Variants in SPOCD1 observed in about 807,000 individuals in gnomAD.
The protein encoded by SPOCD1 is SPOC domain-containing protein 1.
Under a neutral mutation model 92.2 loss-of-function variants are expected in SPOCD1, and 64 were observed. The ratio of observed to expected loss-of-function variants is 0.69; its 90% CI spans 0.57 to 0.86. SPOCD1 has a LOEUF of 0.86. Among genes scored for constraint, SPOCD1 ranks in the 40% least tolerant of loss-of-function variants. The pLI is 0.00. For missense variants in SPOCD1, 1,360 were observed against 1,543.1 expected, an observed-to-expected ratio of 0.88 and a Z score of 1.99; for synonymous variants, 578 against 619.3, an observed-to-expected ratio of 0.93 and a Z score of 0.99.
chr1:31,795,855 A>T (rs35806445), intron 10 of SPOCD1: 29,848 of 153,746 alleles, frequency 0.19, 3,507 homozygotes, highest in African/African-American at 0.33. Flanking sequence ...GATGAGACCC[A>T]GGTGAACATC....
At chr1:31,803,761 AGAG>A (rs1466839997) in intron 2 of SPOCD1, among the ~76,000 whole-genome samples, 2 of 150,842 alleles carry the variant, frequency 1.3e-5, no homozygotes, top group African/African-American at 2.4e-5. Flanking sequence ...AAAGGAAAGG[AGAG>A]GAGAAGAAAA....
chr1:31,793,628 G>A (rs1457093360), intron 12 of SPOCD1, 119 bp downstream of exon 12: 7 of 1,563,754 alleles, frequency 4.5e-6, no homozygotes, highest in Non-Finnish European at 6.1e-6. Flanking sequence ...AGGTTCCCAA[G>A]GGAGGGAAGA....
Position 31,792,308 on chromosome 1 carries a change from C to A in SPOCD1, c.2869G>T (p.Gly957Trp). The change falls in exon 15 of 16, where the codon GGG (glycine) becomes TGG (tryptophan). Residue 957 changes from glycine (G) to tryptophan (W), a missense_variant. Coordinates refer to ENST00000360482, the MANE Select transcript of SPOCD1 (RefSeq NM_144569.7). ...CCCATGTGCTCCACAGAGGCCAGCC[C>A]GTGGCGCTGCCTATCATTGAGGTAT... is the stretch of plus-strand genomic sequence containing the variant. The part of the protein sequence containing the change: ...YSYLNDRQRH[G>W]LASVEHMGMV... 6.2e-7 allele frequency: 1 copy of A among 1,613,916 alleles called. No individual in the cohort carries two copies. Among genetic ancestry groups the A allele is most frequent in the East Asian group, 2.2e-5 (1 of 44,872 alleles).
chr1:31,791,092 C>T lies in SPOCD1; in HGVS notation c.3162G>A (p.Arg1054=), dbSNP rs1296049548. 1.2e-6 allele frequency: 2 copies of T among 1,612,948 alleles called. No individual in the cohort carries two copies. Among genetic ancestry groups the T allele is most frequent in the East Asian group, 2.2e-5 (1 of 44,888 alleles). Residue 1054 remains arginine, a synonymous_variant, in exon 16 of 16, where the codon AGG becomes AGA. Coordinates refer to ENST00000360482, the MANE Select transcript of SPOCD1 (RefSeq NM_144569.7). ...GGGTGCCCTTCAGGGGCACATTCGGCCTCCTGTCATCTGGCTGATAGTATC... is the reference window on the plus strand; with the variant it reads ...GGGTGCCCTTCAGGGGCACATTCGGTCTCCTGTCATCTGGCTGATAGTATC... ...EKRYYQPDDR[R]PNVPLKGTPP...
At position 31,791,048 on chromosome 1, in the gene SPOCD1, C is replaced by T; in HGVS notation, c.3206G>A (p.Trp1069Ter). 1 of 1,612,790 alleles carries T rather than the reference C, an allele frequency of 6.2e-7. No individual in the cohort carries two copies. The change falls in exon 16 of 16, where the codon TGG becomes TAG. Residue 1069 changes from tryptophan (W) to a stop codon, truncating the protein, a stop_gained. Coordinates refer to ENST00000360482, the MANE Select transcript of SPOCD1 (RefSeq NM_144569.7). LOFTEE classifies it low-confidence loss of function (END_TRUNC). ...LKGTPPPGGA[W>*]QQSQGRGSIA... Reference sequence around the variant, plus strand: ...ACTGCCCCTGCCCTGGCTCTGCTGCCAGGCACCTCCTGGGGGAGGGGTGCC... The same window carrying T: ...ACTGCCCCTGCCCTGGCTCTGCTGCTAGGCACCTCCTGGGGGAGGGGTGCC...
intron 2 of SPOCD1, among the ~76,000 whole-genome samples, chr1:31,813,493 G>C (rs1013962553): frequency 1.3e-5 from 2 of 152,202 alleles, no homozygotes; most frequent in African/African-American, 2.4e-5. Context: ...TTGATCTCTT[G>C]ACCTCGTGAT....
At chr1:31,802,240 T>C (rs1223795352) in intron 2 of SPOCD1, among the ~76,000 whole-genome samples, 2 of 152,206 alleles carry the variant, frequency 1.3e-5, no homozygotes, top group Non-Finnish European at 2.9e-5. Flanking sequence ...ATGTGGCTTA[T>C]AAAGGGTAAG....
At chr1:31,791,490 G>A (rs1647590462) in intron 15 of SPOCD1, among the ~76,000 whole-genome samples, 199 bp from the exon 16 acceptor site, 1 of 152,322 alleles carries the variant, frequency 6.6e-6, no homozygotes, top group Non-Finnish European at 1.5e-5. Flanking sequence ...TTGACCTGAA[G>A]ACTCTACAGA....
In SPOCD1 at chr1:31,799,440, C is replaced by A. The variant is rs1425742491; in HGVS notation, c.1829G>T (p.Gly610Val). The A allele has an allele frequency of 6.2e-7, 1 of 1,611,860 alleles. No individual in the cohort carries two copies. Among genetic ancestry groups the A allele is most frequent in the South Asian group, 1.1e-5 (1 of 90,446 alleles). Residue 610 changes from glycine (G) to valine (V), a missense_variant, in exon 7 of 16, where the codon GGC (glycine) becomes GTC (valine). By Grantham distance (109) the Gly-to-Val change is moderately radical. Transcript: ENST00000360482. ...CTCCTGCATGGAACGGACAACAGTG[C>A]CCCGCACCCCAATATACAGGGATGG... is the stretch of plus-strand genomic sequence containing the variant. ...EKPSLYIGVR[G>V]TVVRSMQEVL...
At chr1:31,795,371 C>T (rs569597550) in intron 10 of SPOCD1, 1 of 152,370 alleles carries the variant, frequency 6.6e-6, no homozygotes, top group African/African-American at 2.4e-5. Flanking sequence ...CCAGGTTCCT[C>T]ATCCCAGAAA....
Position 31,792,699 on chromosome 1 carries a change from G to A in SPOCD1, c.2754C>T (p.Ser918=), listed in dbSNP as rs1647689048. The change falls in exon 14 of 16, where the codon AGC becomes AGT. Residue 918 remains serine, a synonymous_variant. Transcript: ENST00000360482. ...PSNIVWDLLA[S]ICPAKAKDVC... ...GTACCTTGGCCTTGGCTGGGCAGAT[G>A]CTGGCCAGAAGGTCCCAGACAATGT... 9 of 1,605,438 alleles carry A rather than the reference G, an allele frequency of 5.6e-6. No homozygotes were observed. Among genetic ancestry groups the A allele is most frequent in the Non-Finnish European group, 6.8e-6 (8 of 1,176,414 alleles).
At position 31,798,587 on chromosome 1, in the gene SPOCD1, G is replaced by C. The variant is rs1245244459; in HGVS notation, c.1883C>G (p.Pro628Arg). 6.2e-7 allele frequency: 1 copy of C among 1,612,940 alleles called. No individual in the cohort carries two copies. The highest frequency in any genetic ancestry group is 8.5e-7 in the Non-Finnish European group (1 of 1,179,804). Residue 628 changes from proline (P) to arginine (R), a missense_variant, in exon 8 of 16, where the codon CCA (proline) becomes CGA (arginine). This residue lies in a region of SPOCD1 where 606 missense variants were observed against 601.5 expected (regional missense o/e 1.01). Transcript: ENST00000360482. The surrounding 1 kb of genome is among the most constrained non-coding windows in gnomAD (Gnocchi z 4.1). ...CACCTCCTCACTCAGCACTGGGTCT[G>C]GGAGCTCCCGAAGGCTGTGGAGGCC... ...EVLWTRLREL[P>R]DPVLSEEVVE...
At position 31,800,846 on chromosome 1, in the gene SPOCD1, A is replaced by G. The variant is rs1648417955; in HGVS notation, c.1426-229T>C. Among the ~76,000 whole-genome samples, 3 of 152,172 alleles carry G rather than the reference A, an allele frequency of 2.0e-5. No homozygotes were observed. The South Asian group carries it at 6.2e-4, about 32-fold the overall frequency. On this transcript the variant is annotated intron_variant, in intron 3 of 15. Coordinates refer to ENST00000360482, the MANE Select transcript of SPOCD1 (RefSeq NM_144569.7). ...CTACCTGGCTAGCCTCTGTCCCAGG[A>G]GAGGGGCCTGTCTCCATCCGCATCC...
At chr1:31,803,855 A>C (rs901785936) in intron 2 of SPOCD1, among the ~76,000 whole-genome samples, 4 of 151,652 alleles carry the variant, frequency 2.6e-5, no homozygotes, top group African/African-American at 9.7e-5. Context: ...AGAAGAAAGA[A>C]AGGTAGGAAG....
At position 31,814,069 on chromosome 1, in the gene SPOCD1, G is replaced by C; in HGVS notation, c.1265C>G (p.Thr422Ser). Residue 422 changes from threonine (T) to serine (S), a missense_variant, in exon 2 of 16, where the codon ACT (threonine) becomes AGT (serine). This residue lies in a region of SPOCD1 where 606 missense variants were observed against 601.5 expected (regional missense o/e 1.01). Transcript: ENST00000360482. This position sits in a 1 kb window ranked among gnomAD's most constrained non-coding sequence, Gnocchi z 4.2. ...CACTGGACCTTTCTTCAGGTTCTTAGTGCCCTTGGATCTTCTCTGCTCCAT... is the reference window on the plus strand; with the variant it reads ...CACTGGACCTTTCTTCAGGTTCTTACTGCCCTTGGATCTTCTCTGCTCCAT... Reference protein sequence around the residue: ...PFMEQRRSKGTKNLKKGPVPC... With the variant: ...PFMEQRRSKGSKNLKKGPVPC... 1 of 1,613,742 alleles carries C rather than the reference G, an allele frequency of 6.2e-7. No homozygotes were observed. Among genetic ancestry groups the C allele is most frequent in the Non-Finnish European group, 8.5e-7 (1 of 1,179,800 alleles).
chr1:31,800,244 C>T (rs1424944682), intron 4 of SPOCD1, 103 bp from the exon 5 acceptor site: 5 of 1,509,172 alleles, frequency 3.3e-6, no homozygotes, highest in Non-Finnish European at 4.4e-6. Context: ...TCCAGTCCAC[C>T]CTGAATTCAG....
chr1:31,800,016 C>A lies in SPOCD1; in HGVS notation c.1728G>T (p.Gln576His), dbSNP rs780317596. The A allele has an allele frequency of 6.2e-7, 1 of 1,611,930 alleles. No individual in the cohort carries two copies. Among genetic ancestry groups the A allele is most frequent in the East Asian group, 2.2e-5 (1 of 44,844 alleles). ...ACATGGCCGGGGCAGAACAACTTGC[C>A]TGGGAACATGCAGGGTCCGAGCTGG... ...GDPSSDPACS[Q>H]SGPMEAEEDS... Residue 576 changes from glutamine to histidine, a missense_variant and splice_region_variant, in exon 5 of 16, where the codon CAG (glutamine) becomes CAT (histidine). This residue lies in a region of SPOCD1 where 606 missense variants were observed against 601.5 expected (regional missense o/e 1.01). Transcript: ENST00000360482.
At chr1:31,799,366 T>A (rs1183186771) in intron 7 of SPOCD1, 35 bp downstream of exon 7, 20 of 1,573,728 alleles carry the variant, frequency 1.3e-5, no homozygotes, top group Non-Finnish European at 1.6e-5. Context: ...AGGGCGGCCC[T>A]TGGGATGTCA....
Position 31,815,118 on chromosome 1 carries a change from A to T in SPOCD1, c.216T>A (p.Ala72=). The part of the protein sequence containing the change: ...KEALRGGSSR[A]AGAAEVRPGV... ...CTGGCCGGACCTCAGCAGCACCTGC[A>T]GCCCGGGAGCTGCCACCTCGAAGGG... Residue 72 remains alanine, a synonymous_variant, in exon 2 of 16, where the codon GCT becomes GCA. Coordinates refer to ENST00000360482, the MANE Select transcript of SPOCD1 (RefSeq NM_144569.7). 1 of 1,609,722 alleles carries T rather than the reference A, an allele frequency of 6.2e-7. No individual in the cohort carries two copies. The highest frequency in any genetic ancestry group is 8.5e-7 in the Non-Finnish European group (1 of 1,176,804).
Sources: gnomAD v4.1 joint callset for allele counts (sites outside exome capture counted in the v4.1 genomes callset) on GRCh38, gnomAD v4.1.1 for gene constraint, gnomAD v4.1.1 regional missense constraint, Gnocchi (gnomAD v3.1) non-coding constraint, MANE v1.5 for transcripts, NCBI Gene and HGNC (gene_info 2026-07-23, HGNC 2026-07-21) for gene names.